The following DHRS7B variants were observed in gnomAD, a reference collection of about 807,000 sequenced individuals.
The protein encoded by DHRS7B is peroxisomal reductase activating PPAR-gamma.
A neutral mutation model predicts 26.4 loss-of-function variants in DHRS7B; 24 were observed. That is an observed-to-expected ratio of 0.91 (90% confidence interval 0.66 to 1.28). The LOEUF is 1.28. DHRS7B is among the 50% of genes most tolerant of loss of function. DHRS7B has a pLI of 0.00. For missense variants in DHRS7B, 368 were observed against 419.4 expected, an observed-to-expected ratio of 0.88 and a Z score of 1.07; for synonymous variants, 142 against 166.4, an observed-to-expected ratio of 0.85 and a Z score of 1.13.
intron 3 of DHRS7B, among the ~76,000 whole-genome samples, chr17:21,181,974 G>T (rs1241684437): frequency 6.6e-6 from 1 of 152,184 alleles, no homozygotes; most frequent in African/African-American, 2.4e-5. Context: ...GTACAATGTT[G>T]AGTAGCCGTT....
chr17:21,132,540 A>AG, intron 1 of DHRS7B, among the ~76,000 whole-genome samples: 1 of 145,818 alleles, frequency 6.9e-6, no homozygotes, highest in East Asian at 1.9e-4. Context: ...CAAAAAAAAA[A>AG]AAAAAAAAAC....
chr17:21,185,174 G>A (rs775268177), intron 5 of DHRS7B, among the ~76,000 whole-genome samples: 3 of 152,182 alleles, frequency 2.0e-5, no homozygotes, highest in Non-Finnish European at 4.4e-5. Context: ...GGGTTTTAAG[G>A]TAATTTCACA....
At chr17:21,131,490 C>T (rs979153031) in intron 1 of DHRS7B, among the ~76,000 whole-genome samples, 4 of 152,232 alleles carry the variant, frequency 2.6e-5, no homozygotes, top group African/African-American at 9.6e-5. Flanking sequence ...GACCAGAGGT[C>T]ACTTTCATTG....
At chr17:21,141,752 G>A (rs1367365473) in intron 1 of DHRS7B, among the ~76,000 whole-genome samples, 1 of 149,826 alleles carries the variant, frequency 6.7e-6, no homozygotes, top group Non-Finnish European at 1.5e-5. Flanking sequence ...AAAAAAAAGA[G>A]GAGTTATACA....
At chr17:21,162,067 C>T (rs1057220236) in intron 1 of DHRS7B, among the ~76,000 whole-genome samples, 2 of 151,488 alleles carry the variant, frequency 1.3e-5, no homozygotes, top group African/African-American at 4.9e-5. Context: ...AGATAAATTA[C>T]AGTAAGGCAC....
intron 1 of DHRS7B, among the ~76,000 whole-genome samples, chr17:21,142,716 C>T (rs1801919430): frequency 7.0e-6 from 1 of 142,536 alleles, no homozygotes; most frequent in Admixed American, 6.9e-5. Flanking sequence ...ACCCTGGGGG[C>T]TTCCAGGTCA....
chr17:21,168,738 C>T (rs1597748443), intron 1 of DHRS7B: 2 of 985,450 alleles, frequency 2.0e-6, no homozygotes, highest in African/African-American at 1.7e-5. Flanking sequence ...TGCAGACATG[C>T]GCTCTCCCCA....
At chr17:21,127,153 A>C in intron 1 of DHRS7B, 162 bp downstream of exon 1, 1 of 711,516 alleles carries the variant, frequency 1.4e-6, no homozygotes, top group Non-Finnish European at 2.1e-6. Context: ...ACTCTGAAGG[A>C]AGACTCAGCC....
At chr17:21,132,364 G>T (rs79407952) in intron 1 of DHRS7B, among the ~76,000 whole-genome samples, 5,954 of 143,048 alleles carry the variant, frequency 0.042, 174 homozygotes, top group African/African-American at 0.077. Flanking sequence ...TATATATATA[G>T]ATAGATAGAT....
intron 1 of DHRS7B, among the ~76,000 whole-genome samples, chr17:21,144,874 T>C (rs1973607816): frequency 6.6e-6 from 1 of 151,814 alleles, no homozygotes; most frequent in Non-Finnish European, 1.5e-5. Context: ...TAACTTGGAG[T>C]GTACAGATGG....
intron 1 of DHRS7B, among the ~76,000 whole-genome samples, chr17:21,151,995 T>G (rs9635801): frequency 0.36 from 54,672 of 151,920 alleles, 10,856 homozygotes; most frequent in Non-Finnish European, 0.44. Context: ...TCGCTCCCAC[T>G]CTCAACTACT....
chr17:21,129,845 C>A (rs1330431022), intron 1 of DHRS7B, among the ~76,000 whole-genome samples: 2 of 152,026 alleles, frequency 1.3e-5, no homozygotes, highest in Non-Finnish European at 2.9e-5. Context: ...AGATACAACC[C>A]ATTATGTAGT....
chr17:21,166,069 C>T (rs966700959), intron 1 of DHRS7B: 63 of 809,614 alleles, frequency 7.8e-5, no homozygotes, highest in Non-Finnish European at 9.0e-5. Flanking sequence ...TCATTGTCAC[C>T]GCACTCCTGT....
intron 2 of DHRS7B, 110 bp downstream of exon 2, chr17:21,172,306 A>T: frequency 7.5e-7 from 1 of 1,331,886 alleles, no homozygotes; most frequent in Admixed American, 2.0e-5. Flanking sequence ...CGGCAGCAGA[A>T]GGCCAGATAA....
chr17:21,138,104 A>ACG (rs1295741384), intron 1 of DHRS7B, among the ~76,000 whole-genome samples: 16 of 134,130 alleles, frequency 1.2e-4, no homozygotes, highest in African/African-American at 4.6e-4. Flanking sequence ...ATATATATAC[A>ACG]CACACACACA....
intron 1 of DHRS7B, among the ~76,000 whole-genome samples, chr17:21,130,470 G>T (rs577721790): frequency 3.9e-5 from 6 of 152,154 alleles, no homozygotes; most frequent in Non-Finnish European, 8.8e-5. Flanking sequence ...AGGCCCTTCA[G>T]AAAAACAGTC....
At chr17:21,169,766 C>T (rs936371942) in intron 1 of DHRS7B, among the ~76,000 whole-genome samples, 1 of 152,152 alleles carries the variant, frequency 6.6e-6, no homozygotes, top group African/African-American at 2.4e-5. Flanking sequence ...CAGGGGCCCA[C>T]GGAGGAGTGT....
intron 1 of DHRS7B, among the ~76,000 whole-genome samples, chr17:21,169,933 A>C (rs566117641): frequency 6.6e-6 from 1 of 152,160 alleles, no homozygotes; most frequent in African/African-American, 2.4e-5. Context: ...TGGACAAGGC[A>C]GGGTGGTCCT....
Position 21,191,201 on chromosome 17 carries a change from T to A in DHRS7B, c.*48T>A. The A allele has an allele frequency of 2.5e-6, 4 of 1,583,822 alleles. No individual in the cohort carries two copies. The highest frequency in any genetic ancestry group is 3.5e-6 in the Non-Finnish European group (4 of 1,155,190). On this transcript the variant is annotated 3_prime_UTR_variant, in exon 7 of 7. Coordinates refer to ENST00000395511, the MANE Select transcript of DHRS7B (RefSeq NM_015510.5). ...GGCAGAGAAGCAGCACTCTTAGGCT[T>A]GCTTACTCTACAAGGGACAGTTGCA...
Sources: allele counts gnomAD v4.1 joint callset (sites outside exome capture counted in the v4.1 genomes callset), GRCh38; gene constraint gnomAD v4.1.1; transcripts MANE v1.5; gene names NCBI Gene and HGNC (gene_info 2026-07-23, HGNC 2026-07-21).